Variants in MAPK8 observed in about 807,000 individuals in gnomAD.
MAPK8 encodes the protein JUN N-terminal kinase.
In MAPK8, 13 loss-of-function variants were observed where a neutral mutation model predicts 52.9. The observed-to-expected ratio is 0.25, with a 90% CI of 0.16 to 0.39. MAPK8 has a LOEUF of 0.39. MAPK8 is among the 10% of genes least tolerant of loss of function. MAPK8 has a pLI of 1.00. For missense variants in MAPK8, 300 were observed against 519.2 expected (o/e 0.58, Z 4.10); for synonymous variants, 191 against 169.8 (o/e 1.12, Z -0.97).
chr10:48,384,542 G>A (rs974415500), intron 1 of MAPK8, among the ~76,000 whole-genome samples: 2 of 152,070 alleles, frequency 1.3e-5, no homozygotes, highest in Non-Finnish European at 2.9e-5. Flanking sequence ...TTAAGAAAAA[G>A]GGCAAAAAAA....
At chr10:48,311,435 G>A (rs1371521911) in intron 1 of MAPK8, among the ~76,000 whole-genome samples, 1 of 152,118 alleles carries the variant, frequency 6.6e-6, no homozygotes, top group Non-Finnish European at 1.5e-5. Context: ...TGTTCCAGAA[G>A]CAAATATTGA....
intron 1 of MAPK8, among the ~76,000 whole-genome samples, chr10:48,365,167 C>A (rs1013668047): frequency 6.6e-6 from 1 of 152,088 alleles, no homozygotes; most frequent in Non-Finnish European, 1.5e-5. Context: ...AGAGTCCTTG[C>A]AGCTAAGCCG....
At chr10:48,308,417 A>G (rs569444584) in intron 1 of MAPK8, 1 of 152,376 alleles carries the variant, frequency 6.6e-6, no homozygotes, top group South Asian at 2.1e-4. Context: ...GTCGCATCAG[A>G]TGGCTAAATG....
rs144767478 is a variant in MAPK8, at chr10:48,360,554, C to G, written c.-49-41058C>G. Among the ~76,000 whole-genome samples, 260 of 152,154 alleles carry G rather than the reference C, an allele frequency of 1.7e-3. 2 individuals are homozygous for G. Among genetic ancestry groups the G allele is most frequent in the African/African-American group, 5.9e-3 (246 of 41,526 alleles). On this transcript the variant is annotated intron_variant, in intron 1 of 11. Coordinates refer to ENST00000374189, the MANE Select transcript of MAPK8 (RefSeq NM_001323329.2). The stretch of plus-strand genomic sequence containing the variant: ...TATCATAGCCTAAAATTGGAAACAG[C>G]CTAAATATCCCTCAGTAGTAGATTA...
chr10:48,331,609 C>T (rs916405832), intron 1 of MAPK8, among the ~76,000 whole-genome samples: 1 of 152,294 alleles, frequency 6.6e-6, no homozygotes, highest in African/African-American at 2.4e-5. Flanking sequence ...TGGAGCTTGT[C>T]TTCTTTCCAA....
chr10:48,426,072 T>TA lies in MAPK8; in HGVS notation c.871+3dup, dbSNP rs748208180. The TA allele has an allele frequency of 2.1e-5, 34 of 1,605,772 alleles. No homozygotes were observed. The highest frequency in any genetic ancestry group is 1.9e-5 in the Non-Finnish European group (22 of 1,175,930). The stretch of plus-strand genomic sequence containing the variant: ...ACTCAGAACACAACAAACTTAAAGG[T>TA]ACTTTTTACAAATATGTACATTTAA... On this transcript the variant is annotated splice_region_variant and intron_variant, in intron 8 of 11. Transcript: ENST00000374189.
At position 48,405,106 on chromosome 10, in the gene MAPK8, G is replaced by GAT. The variant is rs10657070; in HGVS notation, c.252+146_252+147dup. 87,460 of 232,544 alleles carry GAT rather than the reference G, an allele frequency of 0.38. 14,932 individuals carry two copies. Among genetic ancestry groups the GAT allele is most frequent in the East Asian group, 0.6 (6,695 of 11,106 alleles). 14.4% of individuals were successfully genotyped at this position (232,544 alleles called of 1,614,324 possible). A position where few individuals can be genotyped will look rare whatever the true frequency, so the allele number is the denominator to read the frequency against. ...CTGTATTAAAACATTGTTTAAAAGG[G>GAT]ATATATATATATATATATATATCTA... On this transcript the variant is annotated intron_variant, in intron 3 of 11. Coordinates refer to ENST00000374189, the MANE Select transcript of MAPK8 (RefSeq NM_001323329.2).
At chr10:48,326,646 A>G (rs1192861668) in intron 1 of MAPK8, among the ~76,000 whole-genome samples, 1 of 152,232 alleles carries the variant, frequency 6.6e-6, no homozygotes. Flanking sequence ...AGAGAGAGAT[A>G]TAAGTATTTA....
chr10:48,394,471 A>T (rs1468626046), intron 1 of MAPK8, among the ~76,000 whole-genome samples: 1 of 151,924 alleles, frequency 6.6e-6, no homozygotes, highest in Non-Finnish European at 1.5e-5. Flanking sequence ...TAGCCATATG[A>T]ACCAACTAAG....
chr10:48,314,670 GCTT>G (rs1482127777), intron 1 of MAPK8, among the ~76,000 whole-genome samples: 17 of 152,132 alleles, frequency 1.1e-4, no homozygotes, highest in African/African-American at 3.9e-4. Context: ...AAGGATGCCT[GCTT>G]CTTATTACCC....
intron 1 of MAPK8, among the ~76,000 whole-genome samples, chr10:48,375,268 C>T (rs976969442): frequency 6.6e-6 from 1 of 152,140 alleles, no homozygotes; most frequent in African/African-American, 2.4e-5. Flanking sequence ...TTATGACAAA[C>T]CCACAGCCAA....
chr10:48,312,445 C>T (rs1340989003), intron 1 of MAPK8, among the ~76,000 whole-genome samples: 2 of 152,220 alleles, frequency 1.3e-5, no homozygotes, highest in African/African-American at 4.8e-5. Context: ...TCCAGTACTG[C>T]CTCTTGGTGC....
In MAPK8 at chr10:48,397,197, A is replaced by G. The variant is rs1310459711; in HGVS notation, c.-49-4415A>G. On this transcript the variant is annotated intron_variant, in intron 1 of 11. Coordinates refer to ENST00000374189, the MANE Select transcript of MAPK8 (RefSeq NM_001323329.2). Reference sequence around the variant, plus strand: ...ACAGTCTCACTCTGTTGCCCAGGATAGCATGCAGTAGTGCTATCATAGCTC... The same window carrying G: ...ACAGTCTCACTCTGTTGCCCAGGATGGCATGCAGTAGTGCTATCATAGCTC... Among the ~76,000 whole-genome samples, 5 of 151,750 alleles carry G rather than the reference A, an allele frequency of 3.3e-5. No individual in the cohort carries two copies. The East Asian group carries it at 7.7e-4, about 24-fold the overall frequency.
intron 1 of MAPK8, among the ~76,000 whole-genome samples, chr10:48,333,115 G>C (rs1844311785): frequency 6.6e-6 from 1 of 152,058 alleles, no homozygotes; most frequent in Non-Finnish European, 1.5e-5. Context: ...ACTTTGGTTT[G>C]GTATTCTATG....
In MAPK8 at chr10:48,401,723, A is replaced by G. The variant is rs750494171; in HGVS notation, c.63A>G (p.Thr21=). The change falls in exon 2 of 12, where the codon ACA becomes ACG. Residue 21 remains threonine (T), a synonymous_variant. Transcript: ENST00000374189. ...YSVEIGDSTF[T]VLKRYQNLKP... ...TAGAGATTGGAGATTCTACATTCAC[A>G]GTCCTGAAACGATATCAGAATTTAA... 1.3e-6 allele frequency: 2 copies of G among 1,597,106 alleles called. No individual in the cohort carries two copies. Among genetic ancestry groups the G allele is most frequent in the Admixed American group, 1.8e-5 (1 of 56,300 alleles).
At chr10:48,338,750 C>CA (rs1169464285) in intron 1 of MAPK8, among the ~76,000 whole-genome samples, 1 of 152,032 alleles carries the variant, frequency 6.6e-6, no homozygotes, top group Non-Finnish European at 1.5e-5. Context: ...AATAAATGTA[C>CA]AAAAATCACT....
intron 1 of MAPK8, among the ~76,000 whole-genome samples, chr10:48,354,156 A>T (rs1208292196): frequency 1.4e-5 from 2 of 145,326 alleles, no homozygotes; most frequent in African/African-American, 2.8e-5. Flanking sequence ...TTTCAAAATT[A>T]AAAAAAAATT....
chr10:48,424,482 T>C, intron 7 of MAPK8: 1 of 1,402,658 alleles, frequency 7.1e-7, no homozygotes, highest in Non-Finnish European at 9.8e-7. Context: ...AACCAAAATC[T>C]TTATGTTAAT....
chr10:48,387,193 G>C (rs910409317), intron 1 of MAPK8, among the ~76,000 whole-genome samples: 1 of 152,134 alleles, frequency 6.6e-6, no homozygotes, highest in Admixed American at 6.6e-5. Context: ...TAGAAGAGAG[G>C]GCAAACTAGG....
Sources: allele counts gnomAD v4.1 joint callset (sites outside exome capture counted in the v4.1 genomes callset), GRCh38; gene constraint gnomAD v4.1.1; transcripts MANE v1.5; gene names NCBI Gene and HGNC (gene_info 2026-07-23, HGNC 2026-07-21).